Variants in ANK3 observed in about 807,000 individuals in gnomAD.
ANK3 encodes the protein ankyrin 3.
Under a neutral mutation model 370.9 loss-of-function variants are expected in ANK3, and 57 were observed. The observed-to-expected ratio is 0.15, with a 90% CI of 0.12 to 0.19. The LOEUF is 0.19. Among genes scored for constraint, ANK3 ranks in the 10% least tolerant of loss-of-function variants. The probability of loss-of-function intolerance (pLI) is 1.00; values close to 1 mark genes in which losing one functional copy is unlikely to be tolerated. For synonymous variants in ANK3, 1,929 were observed against 1,946.3 expected (o/e 0.99, Z 0.23); for missense variants, 4,439 against 5,302.1 (o/e 0.84, Z 5.06).
At chr10:60,116,814 A>G (rs1285352091) in intron 25 of ANK3, among the ~76,000 whole-genome samples, 1 of 152,116 alleles carries the variant, frequency 6.6e-6, no homozygotes, top group African/African-American at 2.4e-5. Flanking sequence ...TAAATCAAGG[A>G]AACAATTTAA....
intron 1 of ANK3, among the ~76,000 whole-genome samples, chr10:60,354,460 A>G (rs1271057363): frequency 6.6e-6 from 1 of 152,244 alleles, no homozygotes; most frequent in Non-Finnish European, 1.5e-5. Flanking sequence ...ATTACCACAA[A>G]AAAAGACAGA....
At chr10:60,577,822 T>C (rs182870146) in intron 2 of ANK3, among the ~76,000 whole-genome samples, 22 of 152,328 alleles carry the variant, frequency 1.4e-4, no homozygotes, top group African/African-American at 5.1e-4. Context: ...CTTCTAGTCT[T>C]CTTTGAGTCT....
At chr10:60,040,348 A>G (rs1042473005) in intron 43 of ANK3, among the ~76,000 whole-genome samples, 1 of 152,028 alleles carries the variant, frequency 6.6e-6, no homozygotes, top group Non-Finnish European at 1.5e-5. Flanking sequence ...ATATATTTGC[A>G]AATTGATTTT....
At chr10:60,029,869 CTTTTTCTTTTTTTTTTTTTTT>C (rs2072902072) in intron 43 of ANK3, 43 bp from the exon 44 acceptor site, 2 of 39,390 alleles carry the variant, frequency 5.1e-5, no homozygotes, top group African/African-American at 2.1e-4. Context: ...CTTTCTTTTT[CTTTTTCTTTTTTTTTTTTTTT>C]TTTTTTTTTT....
chr10:60,226,509 A>AC (rs1491345047), intron 8 of ANK3, among the ~76,000 whole-genome samples: 1 of 62,780 alleles, frequency 1.6e-5, no homozygotes, highest in Non-Finnish European at 2.7e-5. Flanking sequence ...TAGTATATAT[A>AC]CATAGTATAT....
At chr10:60,142,899 C>A (rs2094629352) in intron 23 of ANK3, among the ~76,000 whole-genome samples, 1 of 152,140 alleles carries the variant, frequency 6.6e-6, no homozygotes, top group Non-Finnish European at 1.5e-5. Context: ...CATGTATTGA[C>A]TGGGTGACCT....
intron 1 of ANK3, among the ~76,000 whole-genome samples, chr10:60,337,617 G>A (rs990194894): frequency 7.2e-5 from 11 of 151,990 alleles, no homozygotes; most frequent in African/African-American, 1.2e-4. Context: ...TCTCAGTGAC[G>A]TCTCTTTTAT....
At chr10:60,551,606 A>G (rs925718950) in intron 2 of ANK3, among the ~76,000 whole-genome samples, 1 of 152,052 alleles carries the variant, frequency 6.6e-6, no homozygotes. Context: ...GTAAGATGCT[A>G]TTGCTTATGA....
chr10:60,200,173 G>A lies in ANK3; in HGVS notation c.1447C>T (p.Arg483Trp), dbSNP rs377592480. The change falls in exon 13 of 44, where the codon CGG becomes TGG. Residue 483 changes from arginine to tryptophan, a missense_variant. Physicochemically the swap from Arg to Trp is moderately radical, Grantham distance 101. Around this residue, in one of 13 missense-constraint regions of ANK3, gnomAD observed 227 missense variants for 377.6 expected, o/e 0.60. Transcript: ENST00000280772. ...TGAGCTCCGTCTTGTACCAGATACC[G>A]CACAACTTCAGCTTGGCCGGAGCGA... ...AARSGQAEVV[R>W]YLVQDGAQVE... 13 of 1,614,012 alleles carry A rather than the reference G, an allele frequency of 8.1e-6. No individual in the cohort carries two copies. Among genetic ancestry groups the A allele is most frequent in the East Asian group, 2.2e-5 (1 of 44,874 alleles).
chr10:60,058,570 T>C (rs2079666630), intron 41 of ANK3, among the ~76,000 whole-genome samples: 1 of 152,206 alleles, frequency 6.6e-6, no homozygotes, highest in African/African-American at 2.4e-5. Flanking sequence ...TCTGCACTTT[T>C]TACATTAAGA....
chr10:60,272,925 T>C (rs548770409), intron 4 of ANK3, among the ~76,000 whole-genome samples: 1 of 152,296 alleles, frequency 6.6e-6, no homozygotes, highest in African/African-American at 2.4e-5. Context: ...CACTAGTCTA[T>C]CCACACATCT....
At chr10:60,264,083 C>T in intron 5 of ANK3, 63 bp from the exon 6 acceptor site, 1 of 1,420,922 alleles carries the variant, frequency 7.0e-7, no homozygotes, top group Non-Finnish European at 9.5e-7. Context: ...ATTAAATTAA[C>T]AAATAAGAAG....
chr10:60,478,447 T>C (rs2075128041), intron 2 of ANK3, among the ~76,000 whole-genome samples: 1 of 152,094 alleles, frequency 6.6e-6, no homozygotes, highest in Non-Finnish European at 1.5e-5. Flanking sequence ...CTTTGTGAAA[T>C]TACCATTATA....
chr10:60,268,298 A>G (rs554161525), intron 5 of ANK3, among the ~76,000 whole-genome samples: 3 of 152,358 alleles, frequency 2.0e-5, no homozygotes, highest in South Asian at 4.1e-4. Context: ...AAATAAAAAA[A>G]TATGTATAAA....
intron 1 of ANK3, among the ~76,000 whole-genome samples, chr10:60,282,049 C>A (rs530376156): frequency 9.2e-5 from 14 of 152,148 alleles, no homozygotes; most frequent in Admixed American, 7.9e-4. Context: ...AAATTAGCCA[C>A]GCAAGGATGG....
At chr10:60,079,998 G>A (rs985484935) in intron 36 of ANK3, among the ~76,000 whole-genome samples, 1 of 152,062 alleles carries the variant, frequency 6.6e-6, no homozygotes, top group African/African-American at 2.4e-5. Context: ...AAGGACAGGA[G>A]GAGAGGAAGT....
At chr10:60,663,199 CAGG>C (rs1296198584) in intron 1 of ANK3, among the ~76,000 whole-genome samples, 1 of 152,140 alleles carries the variant, frequency 6.6e-6, no homozygotes, top group Non-Finnish European at 1.5e-5. Flanking sequence ...TCTTGGCCAC[CAGG>C]AGGTTTGAAA....
At chr10:60,363,381 C>G (rs1171845763) in intron 1 of ANK3, among the ~76,000 whole-genome samples, 3 of 152,164 alleles carry the variant, frequency 2.0e-5, no homozygotes, top group Admixed American at 2.0e-4. Context: ...AGACGCACTG[C>G]TATTTGTAGC....
At chr10:60,652,474 T>G (rs2078802576) in intron 1 of ANK3, among the ~76,000 whole-genome samples, 1 of 151,892 alleles carries the variant, frequency 6.6e-6, no homozygotes, top group Non-Finnish European at 1.5e-5. Flanking sequence ...GAAAAAGGTC[T>G]TATTAAGAAA....
Sources: allele counts gnomAD v4.1 joint callset (sites outside exome capture counted in the v4.1 genomes callset), GRCh38; gene constraint gnomAD v4.1.1; regional missense constraint gnomAD v4.1.1; transcripts MANE v1.5; gene names NCBI Gene and HGNC (gene_info 2026-07-23, HGNC 2026-07-21).